The following MYRIP variants were observed in gnomAD, a reference collection of about 807,000 sequenced individuals.
The protein encoded by MYRIP is rab effector MyRIP.
A neutral mutation model predicts 98.0 loss-of-function variants in MYRIP; 49 were observed. The observed-to-expected ratio is 0.50, with a 90% CI of 0.40 to 0.63. The LOEUF is 0.63. Ranked by LOEUF, MYRIP falls within the 30% of genes least tolerant of loss-of-function variation. MYRIP has a pLI of 0.00. For synonymous variants in MYRIP, 404 were observed against 409.5 expected (o/e 0.99, Z 0.16); for missense variants, 1,004 against 1,058.2 (o/e 0.95, Z 0.71).
At chr3:39,867,250 T>C (rs996178151) in intron 1 of MYRIP, among the ~76,000 whole-genome samples, 19 of 152,132 alleles carry the variant, frequency 1.2e-4, no homozygotes, top group African/African-American at 4.3e-4. Flanking sequence ...AGGAAAAAGC[T>C]CCTTTATGTT....
At chr3:40,018,333 A>G (rs758620334) in intron 2 of MYRIP, among the ~76,000 whole-genome samples, 3 of 152,166 alleles carry the variant, frequency 2.0e-5, no homozygotes, top group Non-Finnish European at 2.9e-5. Flanking sequence ...CATGATATAA[A>G]TCGAGTGCTT....
At chr3:40,144,502 C>T (rs1949972484) in intron 3 of MYRIP, among the ~76,000 whole-genome samples, 1 of 152,182 alleles carries the variant, frequency 6.6e-6, no homozygotes, top group South Asian at 2.1e-4. Flanking sequence ...AACAACTATC[C>T]TCCACTGATA....
At chr3:39,842,587 G>A (rs575140966) in intron 1 of MYRIP, among the ~76,000 whole-genome samples, 4 of 152,148 alleles carry the variant, frequency 2.6e-5, no homozygotes, top group Non-Finnish European at 5.9e-5. Flanking sequence ...GGCCCTGGTG[G>A]TATAGGCACC....
chr3:40,098,871 G>A (rs1055965129), intron 3 of MYRIP, among the ~76,000 whole-genome samples: 3 of 147,720 alleles, frequency 2.0e-5, no homozygotes, highest in Non-Finnish European at 4.5e-5. Flanking sequence ...AAAACAAACA[G>A]CTATCTCCAG....
At chr3:40,159,490 G>A (rs1340143013) in intron 4 of MYRIP, among the ~76,000 whole-genome samples, 7 of 151,660 alleles carry the variant, frequency 4.6e-5, no homozygotes, top group East Asian at 3.9e-4. Context: ...TGCTCTTCTC[G>A]AGGAGTATCT....
intron 9 of MYRIP, among the ~76,000 whole-genome samples, chr3:40,183,523 A>T (rs181342711): frequency 5.3e-5 from 8 of 152,256 alleles, no homozygotes; most frequent in African/African-American, 1.7e-4. Flanking sequence ...ACATCAGAAG[A>T]CTGTAAGTTG....
At position 39,883,390 on chromosome 3, in the gene MYRIP, G is replaced by A. The variant is rs537266622; in HGVS notation, c.-30-17397G>A. Among the ~76,000 whole-genome samples, 205 of 152,234 alleles carry A rather than the reference G, an allele frequency of 1.3e-3. 1 individual carries two copies. The highest frequency in any genetic ancestry group is 2.5e-3 in the South Asian group (12 of 4,828). On this transcript the variant is annotated intron_variant, in intron 1 of 16. Coordinates refer to ENST00000302541, the MANE Select transcript of MYRIP (RefSeq NM_015460.4). The stretch of plus-strand genomic sequence containing the variant: ...ACATCCTCTCTAGAGGAAAATAACC[G>A]TGTACAAGTGTAGATGAGAAGAAAT...
At chr3:40,135,352 G>A (rs150764486) in intron 3 of MYRIP, among the ~76,000 whole-genome samples, 32,375 of 151,934 alleles carry the variant, frequency 0.21, 4,103 homozygotes, top group South Asian at 0.36. Flanking sequence ...AAAAAGAAAC[G>A]AAAAAAGCCT....
chr3:40,252,059 G>A, intron 16 of MYRIP, 60 bp downstream of exon 16: 1 of 1,296,822 alleles, frequency 7.7e-7, no homozygotes, highest in Non-Finnish European at 1.1e-6. Context: ...CCTCCACTCT[G>A]CAGCCTTTCC....
intron 3 of MYRIP, among the ~76,000 whole-genome samples, chr3:40,138,031 A>G (rs1575568476): frequency 6.6e-6 from 1 of 152,206 alleles, no homozygotes; most frequent in African/African-American, 2.4e-5. Flanking sequence ...TCAGTAAAAC[A>G]CTTCATTACA....
chr3:40,243,842 A>G (rs1473967011), intron 12 of MYRIP, among the ~76,000 whole-genome samples: 2 of 152,202 alleles, frequency 1.3e-5, no homozygotes, highest in Admixed American at 1.3e-4. Context: ...GCTCTCAACA[A>G]TTGTCCTAAT....
chr3:39,977,292 CAGG>C, intron 2 of MYRIP, among the ~76,000 whole-genome samples: 1 of 152,004 alleles, frequency 6.6e-6, no homozygotes, highest in Non-Finnish European at 1.5e-5. Context: ...GTCTTCAGGC[CAGG>C]CTCAGGCTTA....
intron 3 of MYRIP, among the ~76,000 whole-genome samples, chr3:40,072,498 C>T (rs914574307): frequency 1.1e-4 from 16 of 152,166 alleles, no homozygotes; most frequent in Non-Finnish European, 5.9e-5. Context: ...TGAGCCACCG[C>T]GCCCAGCCTG....
At chr3:40,200,661 A>C (rs370586025) in intron 10 of MYRIP, among the ~76,000 whole-genome samples, 3 of 152,320 alleles carry the variant, frequency 2.0e-5, no homozygotes, top group African/African-American at 4.8e-5. Context: ...AATTCCATGA[A>C]AGAAAATGTT....
intron 2 of MYRIP, among the ~76,000 whole-genome samples, chr3:39,935,592 T>C (rs7648859): frequency 0.21 from 31,680 of 152,056 alleles, 5,107 homozygotes; most frequent in African/African-American, 0.45. Context: ...GAAATTTGCA[T>C]ACTTCCCCAA....
intron 1 of MYRIP, among the ~76,000 whole-genome samples, chr3:39,864,455 AG>A (rs1332119974): frequency 6.6e-6 from 1 of 152,162 alleles, no homozygotes; most frequent in Non-Finnish European, 1.5e-5. Flanking sequence ...ATAAAGTTTC[AG>A]GATACAAAAA....
At chr3:39,846,032 G>A (rs1455845365) in intron 1 of MYRIP, among the ~76,000 whole-genome samples, 1 of 152,098 alleles carries the variant, frequency 6.6e-6, no homozygotes, top group African/African-American at 2.4e-5. Context: ...CCTTCTAAAT[G>A]AGTTACTAGA....
chr3:39,912,943 G>A (rs779734297), intron 2 of MYRIP, among the ~76,000 whole-genome samples: 26 of 152,162 alleles, frequency 1.7e-4, no homozygotes, highest in Non-Finnish European at 2.4e-4. Context: ...AGGAGGCCGA[G>A]ACAGGAGAAT....
At chr3:40,218,025 A>G (rs1293827759) in intron 11 of MYRIP, among the ~76,000 whole-genome samples, 1 of 152,212 alleles carries the variant, frequency 6.6e-6, no homozygotes, top group Admixed American at 6.6e-5. Context: ...TCATATATAC[A>G]GCAATAATCA....
Sources: gnomAD v4.1 joint callset for allele counts (sites outside exome capture counted in the v4.1 genomes callset) on GRCh38, gnomAD v4.1.1 for gene constraint, MANE v1.5 for transcripts, NCBI Gene and HGNC (gene_info 2026-07-23, HGNC 2026-07-21) for gene names.